The following MTCL1 variants were observed in gnomAD, a reference collection of about 807,000 sequenced individuals.
MTCL1 encodes the protein microtubule cross-linking factor 1.
In MTCL1, 79 loss-of-function variants were observed where a neutral mutation model predicts 141.4. The observed-to-expected ratio is 0.56, with a 90% CI of 0.47 to 0.67. The LOEUF (loss-of-function observed/expected upper bound fraction) is 0.67. Among genes scored for constraint, MTCL1 ranks in the 30% least tolerant of loss-of-function variants. MTCL1 has a pLI of 0.00. For missense variants in MTCL1, 2,177 were observed against 2,113.9 expected (o/e 1.03, Z -0.59); for synonymous variants, 914 against 875.8 (o/e 1.04, Z -0.77).
chr18:8,777,181 AGCT>A (rs2096514392), intron 4 of MTCL1, among the ~76,000 whole-genome samples: 1 of 152,228 alleles, frequency 6.6e-6, no homozygotes, highest in Non-Finnish European at 1.5e-5. Context: ...ACTTGCAGTG[AGCT>A]GAGATCACAC....
At chr18:8,786,017 C>CAGGACG in exon 7 of MTCL1, 4 of 1,584,090 alleles carry the variant, frequency 2.5e-6, no homozygotes, top group Non-Finnish European at 3.5e-6. Flanking sequence ...CCGAGCCGCG[C>CAGGACG]GGGAGCTGCA....
At position 8,779,413 on chromosome 18, in the gene MTCL1, C is replaced by T. The variant is rs1056248867; in HGVS notation, c.417+1521C>T. Among the ~76,000 whole-genome samples the T allele has an allele frequency of 3.9e-5, 6 of 152,168 alleles. No individual in the cohort carries two copies. In the South Asian group the frequency reaches 6.2e-4, roughly 16 times the overall value. ...CAGTTTAGACTCGGCCTTGAACCCC[C>T]GCCTCCGCTAGACTCTTGGCAGAGT... On this transcript the variant is annotated intron_variant, in intron 5 of 16. Transcript: ENST00000359865. This position sits in a 1 kb window ranked among gnomAD's most constrained non-coding sequence, Gnocchi z 4.1.
chr18:8,813,428 T>C (rs1446818764), intron 12 of MTCL1, among the ~76,000 whole-genome samples, 195 bp downstream of exon 11: 1 of 152,106 alleles, frequency 6.6e-6, no homozygotes, highest in Non-Finnish European at 1.5e-5. Context: ...ACACAGATCT[T>C]TTCTTTGCAA....
At chr18:8,752,109 T>G (rs765992396) in intron 4 of MTCL1, among the ~76,000 whole-genome samples, 1 of 152,182 alleles carries the variant, frequency 6.6e-6, no homozygotes, top group African/African-American at 2.4e-5. Context: ...GCTTTGACTC[T>G]AGGACATCCC....
intron 13 of MTCL1, among the ~76,000 whole-genome samples, chr18:8,820,241 C>T (rs902303695): frequency 2.0e-5 from 3 of 152,058 alleles, no homozygotes; most frequent in African/African-American, 7.2e-5. Context: ...AACCCTGTCT[C>T]TACTAAAAAT....
intron 4 of MTCL1, among the ~76,000 whole-genome samples, chr18:8,730,013 G>A (rs552134979): frequency 6.6e-6 from 1 of 151,636 alleles, no homozygotes; most frequent in South Asian, 2.1e-4. Context: ...CATTTTTTTG[G>A]CCTGTGAACA....
In MTCL1 at chr18:8,786,119, C is replaced by CCGA. The variant is rs1555655999; in HGVS notation, c.1887+29_1887+30insGAC. 5 of 1,431,246 alleles carry CCGA rather than the reference C, an allele frequency of 3.5e-6. 1 individual carries two copies. In the African/African-American group the frequency reaches 4.7e-5, roughly 13 times the overall value. The allele number at this position is 1,431,246 out of a possible 1,614,324, so 88.7% of individuals were successfully genotyped here. ...CAGCGTGGGCAAGCAATCCCCCCCC[C>CCGA]CCGCCCTCCCCCTCCTTTTTCTGTG... On this transcript the variant is annotated intron_variant, in intron 7 of 16. Coordinates refer to ENST00000359865, the Ensembl canonical transcript of MTCL1.
intron 4 of MTCL1, among the ~76,000 whole-genome samples, chr18:8,732,259 G>T (rs73396419): frequency 0.038 from 5,715 of 151,646 alleles, 302 homozygotes; most frequent in African/African-American, 0.096. Flanking sequence ...TAATTTTTTT[G>T]ATTTTTTAAA....
At chr18:8,826,082 C>T (rs141267454) in exon 15 of MTCL1, 333 of 1,611,124 alleles carry the variant, frequency 2.1e-4, no homozygotes, top group African/African-American at 1.5e-3. Flanking sequence ...CCCCTGGCTA[C>T]ACGCTCACTG....
exon 15 of MTCL1, chr18:8,825,235 C>T (rs200700286): frequency 1.9e-6 from 3 of 1,596,164 alleles, no homozygotes; most frequent in East Asian, 2.2e-5. Flanking sequence ...CCTTGCACCT[C>T]CCCCAGGCAC....
At chr18:8,743,312 TTTTC>T (rs1226864700) in intron 4 of MTCL1, among the ~76,000 whole-genome samples, 3 of 152,244 alleles carry the variant, frequency 2.0e-5, no homozygotes, top group African/African-American at 7.2e-5. Context: ...TATGTTTTCC[TTTTC>T]TTTACTTTTC....
At chr18:8,744,555 T>G (rs918042796) in intron 4 of MTCL1, among the ~76,000 whole-genome samples, 3 of 152,236 alleles carry the variant, frequency 2.0e-5, no homozygotes, top group Admixed American at 6.5e-5. Flanking sequence ...TGCTGCTTCT[T>G]GTGACTACGT....
intron 7 of MTCL1, among the ~76,000 whole-genome samples, chr18:8,790,788 G>T (rs2075694093): frequency 6.6e-6 from 1 of 152,144 alleles, no homozygotes; most frequent in East Asian, 1.9e-4. Flanking sequence ...GCTGAGGCAG[G>T]CAGATCACTT....
chr18:8,760,265 A>T (rs143170204), intron 4 of MTCL1, among the ~76,000 whole-genome samples: 1 of 152,250 alleles, frequency 6.6e-6, no homozygotes, highest in Non-Finnish European at 1.5e-5. Context: ...AACGGGTTCA[A>T]ATCCTGGCCG....
chr18:8,757,658 T>C (rs1322166044), intron 4 of MTCL1, among the ~76,000 whole-genome samples: 1 of 152,192 alleles, frequency 6.6e-6, no homozygotes, highest in Non-Finnish European at 1.5e-5. Context: ...GAAGCACGTC[T>C]ATGGCAAATG....
chr18:8,733,668 A>C (rs2096262547), intron 4 of MTCL1, among the ~76,000 whole-genome samples: 1 of 152,102 alleles, frequency 6.6e-6, no homozygotes, highest in Non-Finnish European at 1.5e-5. Flanking sequence ...GGCCTCTCAA[A>C]GTGCTGGGAT....
At chr18:8,775,385 A>AT (rs2096502658) in intron 4 of MTCL1, among the ~76,000 whole-genome samples, 4 of 150,316 alleles carry the variant, frequency 2.7e-5, no homozygotes, top group Admixed American at 2.6e-4. Flanking sequence ...AGCCTGGCCA[A>AT]CATGGTGAAA....
chr18:8,829,756 AC>A, intron 16 of MTCL1: 3 of 985,318 alleles, frequency 3.0e-6, no homozygotes, highest in Non-Finnish European at 3.6e-6. Context: ...ATTCCCAGAA[AC>A]GTGCTACAGG....
chr18:8,810,162 G>T lies in MTCL1; in HGVS notation c.2605-2817G>T. Reference sequence around the variant, plus strand: ...GTTCTGTTGAACTTGGCAGTGAGGAGGGCACTGCAAAACTTGACAAGAACA... The same window carrying T: ...GTTCTGTTGAACTTGGCAGTGAGGATGGCACTGCAAAACTTGACAAGAACA... On this transcript the variant is annotated intron_variant, in intron 11 of 16. Coordinates refer to ENST00000359865, the Ensembl canonical transcript of MTCL1. The surrounding 1 kb of genome is among the most constrained non-coding windows in gnomAD (Gnocchi z 5.0). The T allele has an allele frequency of 6.5e-6, 1 of 152,998 alleles. No individual in the cohort carries two copies. The highest frequency in any genetic ancestry group is 1.9e-4 in the East Asian group (1 of 5,196). 9.5% of individuals were successfully genotyped at this position (152,998 alleles called of 1,614,324 possible). A position where few individuals can be genotyped will look rare whatever the true frequency, so the allele number is the denominator to read the frequency against.
Sources: gnomAD v4.1 joint callset for allele counts (sites outside exome capture counted in the v4.1 genomes callset) on GRCh38, gnomAD v4.1.1 for gene constraint, Gnocchi (gnomAD v3.1) non-coding constraint, MANE v1.5 for transcripts, NCBI Gene and HGNC (gene_info 2026-07-23, HGNC 2026-07-21) for gene names.